The following CNTNAP2 variants were observed in gnomAD, a reference collection of about 807,000 sequenced individuals.
CNTNAP2 encodes contactin-associated protein-like 2.
In CNTNAP2, 98 loss-of-function variants were observed where a neutral mutation model predicts 155.2. The observed-to-expected ratio is 0.63, with a 90% CI of 0.54 to 0.75. CNTNAP2 has a LOEUF of 0.75. Ranked by LOEUF, CNTNAP2 falls within the 30% of genes least tolerant of loss-of-function variation. CNTNAP2 has a pLI of 0.00. For missense variants in CNTNAP2, 1,727 were observed against 1,688.1 expected, an observed-to-expected ratio of 1.02 and a Z score of -0.40; for synonymous variants, 651 against 631.2, an observed-to-expected ratio of 1.03 and a Z score of -0.47.
Position 146,331,236 on chromosome 7 carries a change from G to A in CNTNAP2, c.97+214263G>A, listed in dbSNP as rs367679046. ...GGAGAATGGCGTGAACCCGGGAAGC[G>A]GAGCTTGCAGTGAGCCGAGATCGCG... On this transcript the variant is annotated intron_variant, in intron 1 of 23. Coordinates refer to ENST00000361727, the MANE Select transcript of CNTNAP2 (RefSeq NM_014141.6). Among the ~76,000 whole-genome samples the A allele has an allele frequency of 4.2e-3, 641 of 151,062 alleles. 3 individuals carry two copies. Among genetic ancestry groups the A allele is most frequent in the African/African-American group, 0.011 (458 of 41,068 alleles).
Position 147,251,585 on chromosome 7 carries a change from T to C in CNTNAP2, c.1349-48556T>C, listed in dbSNP as rs1037405649. The stretch of plus-strand genomic sequence containing the variant: ...CTCCTCTGGAGCTTCAGGTAGCTCA[T>C]GGCTTTGATGATTGAAATAGCATTG... On this transcript the variant is annotated intron_variant, in intron 8 of 23. Transcript: ENST00000361727. Among the ~76,000 whole-genome samples, 15 of 152,290 alleles carry C rather than the reference T, an allele frequency of 9.8e-5. No individual in the cohort carries two copies. In the South Asian group the frequency reaches 1.4e-3, roughly 15 times the overall value.
rs557876175 is a variant in CNTNAP2 at position 148,406,498 on chromosome 7, G to A, written c.3716-2893G>A. On this transcript the variant is annotated intron_variant, in intron 22 of 23. Transcript: ENST00000361727. ...CCAACCCAAGCCAAACTGTCTGCAA[G>A]CTGGGACTTCCTCAACCCTTCAACT... is the stretch of plus-strand genomic sequence containing the variant. Among the ~76,000 whole-genome samples, 11 of 152,302 alleles carry A rather than the reference G, an allele frequency of 7.2e-5. No individual in the cohort carries two copies. In the East Asian group the frequency reaches 2.1e-3, roughly 29 times the overall value.
At chr7:146,585,012 A>G (rs1040832986) in intron 1 of CNTNAP2, among the ~76,000 whole-genome samples, 1 of 152,354 alleles carries the variant, frequency 6.6e-6, no homozygotes, top group Non-Finnish European at 1.5e-5. Context: ...AAACCAAAGC[A>G]TAAGTCCCAT....
chr7:146,562,968 T>C (rs1725733096), intron 1 of CNTNAP2, among the ~76,000 whole-genome samples: 1 of 152,150 alleles, frequency 6.6e-6, no homozygotes, highest in African/African-American at 2.4e-5. Flanking sequence ...CACACACACA[T>C]ACTCCCCTAG....
At chr7:146,331,731 A>G (rs1801191442) in intron 1 of CNTNAP2, among the ~76,000 whole-genome samples, 1 of 152,220 alleles carries the variant, frequency 6.6e-6, no homozygotes, top group Non-Finnish European at 1.5e-5. Context: ...TTGGGGAAGC[A>G]TGTTTCATAA....
Position 148,064,242 on chromosome 7 carries a change from A to AT in CNTNAP2, c.2384-53868dup, listed in dbSNP as rs545361189. ...TTTTTTAGTTCTGTATGAATTTAGGATTTTTTTTCTAGTTCTGTGAATAAT... is the reference window on the plus strand; with the variant it reads ...TTTTTTAGTTCTGTATGAATTTAGGATTTTTTTTTCTAGTTCTGTGAATAAT... On this transcript the variant is annotated intron_variant, in intron 15 of 23. Transcript: ENST00000361727. Among the ~76,000 whole-genome samples the AT allele has an allele frequency of 1.1e-3, 168 of 151,470 alleles. 1 individual carries two copies. The highest frequency in any genetic ancestry group is 3.8e-3 in the African/African-American group (156 of 41,316).
At chr7:147,882,282 C>G (rs1488850433) in intron 13 of CNTNAP2, among the ~76,000 whole-genome samples, 1 of 152,086 alleles carries the variant, frequency 6.6e-6, no homozygotes, top group Non-Finnish European at 1.5e-5. Context: ...GAATAGAGTC[C>G]AGATCTCCTG....
chr7:147,961,034 C>T (rs1801111943), intron 14 of CNTNAP2, among the ~76,000 whole-genome samples: 1 of 152,034 alleles, frequency 6.6e-6, no homozygotes, highest in Admixed American at 6.6e-5. Context: ...CAGTGTATTC[C>T]CTTTTTGTAA....
At chr7:147,288,182 T>C (rs974543344) in intron 8 of CNTNAP2, among the ~76,000 whole-genome samples, 13 of 152,162 alleles carry the variant, frequency 8.5e-5, no homozygotes, top group Admixed American at 2.6e-4. Flanking sequence ...TACCCTTTTG[T>C]CAATCATTCT....
intron 13 of CNTNAP2, among the ~76,000 whole-genome samples, chr7:147,832,925 G>T (rs955589749): frequency 1.3e-5 from 2 of 149,668 alleles, no homozygotes; most frequent in African/African-American, 4.9e-5. Context: ...TCAAAAACAT[G>T]ATTCAAAGAG....
chr7:148,379,869 C>T (rs139867925), intron 21 of CNTNAP2, among the ~76,000 whole-genome samples: 114 of 152,312 alleles, frequency 7.5e-4, no homozygotes, highest in African/African-American at 2.6e-3. Flanking sequence ...GCCCTTTTCT[C>T]TTTCATTTCT....
At chr7:147,531,613 T>G (rs1799432311) in intron 11 of CNTNAP2, among the ~76,000 whole-genome samples, 1 of 152,158 alleles carries the variant, frequency 6.6e-6, no homozygotes, top group Non-Finnish European at 1.5e-5. Flanking sequence ...ACGGGGAACC[T>G]GGGCCTGGCC....
intron 9 of CNTNAP2, among the ~76,000 whole-genome samples, chr7:147,371,937 A>G (rs1796355450): frequency 6.6e-6 from 1 of 152,124 alleles, no homozygotes; most frequent in Non-Finnish European, 1.5e-5. Context: ...GAACAAGGTG[A>G]TGTAAACACT....
intron 2 of CNTNAP2, among the ~76,000 whole-genome samples, chr7:146,783,196 A>G (rs1802519471): frequency 6.6e-6 from 1 of 152,186 alleles, no homozygotes; most frequent in African/African-American, 2.4e-5. Context: ...TAGAATCTAT[A>G]TATCTTATAG....
At chr7:148,180,098 T>C (rs192128378) in intron 18 of CNTNAP2, among the ~76,000 whole-genome samples, 66 of 152,316 alleles carry the variant, frequency 4.3e-4, no homozygotes, top group Non-Finnish European at 8.4e-4. Context: ...ATCTTAGAAT[T>C]TCACCCCTAT....
At chr7:147,976,145 C>G (rs943812251) in intron 14 of CNTNAP2, among the ~76,000 whole-genome samples, 2 of 152,054 alleles carry the variant, frequency 1.3e-5, no homozygotes, top group Non-Finnish European at 2.9e-5. Flanking sequence ...TCTTAGCTAG[C>G]TTTTGAGCCA....
At chr7:148,392,323 C>G (rs971731847) in intron 22 of CNTNAP2, among the ~76,000 whole-genome samples, 3 of 148,696 alleles carry the variant, frequency 2.0e-5, no homozygotes, top group Non-Finnish European at 4.5e-5. Context: ...CCGCCCGCCT[C>G]AGCCTCCCAA....
intron 12 of CNTNAP2, among the ~76,000 whole-genome samples, chr7:147,571,668 G>A (rs879440568): frequency 1.3e-5 from 2 of 152,050 alleles, no homozygotes; most frequent in Non-Finnish European, 2.9e-5. Flanking sequence ...GTAGAAATGA[G>A]GACACACAGA....
chr7:146,913,231 G>C (rs931387442), intron 3 of CNTNAP2, among the ~76,000 whole-genome samples: 7 of 152,138 alleles, frequency 4.6e-5, no homozygotes, highest in African/African-American at 1.7e-4. Flanking sequence ...AGTTGGCCAG[G>C]TTAGCTGACG....
Sources: allele counts gnomAD v4.1 joint callset (sites outside exome capture counted in the v4.1 genomes callset), GRCh38; gene constraint gnomAD v4.1.1; transcripts MANE v1.5; gene names NCBI Gene and HGNC (gene_info 2026-07-23, HGNC 2026-07-21).